The following CTNNA3 variants were observed in gnomAD, a reference collection of about 807,000 sequenced individuals.
CTNNA3 encodes the protein catenin alpha-3.
Under a neutral mutation model 95.7 loss-of-function variants are expected in CTNNA3, and 76 were observed. That is an observed-to-expected ratio of 0.79 (90% CI 0.66 to 0.96). The LOEUF (loss-of-function observed/expected upper bound fraction) is 0.96, where lower values mean the gene tolerates loss of function less well. Among genes scored for constraint, CTNNA3 ranks in the 40% least tolerant of loss-of-function variants. The pLI is 0.00. For missense variants in CTNNA3, 1,191 were observed against 1,089.8 expected (o/e 1.09, Z -1.31); for synonymous variants, 431 against 374.4 (o/e 1.15, Z -1.74).
At chr10:66,434,573 C>T (rs1299191242) in intron 11 of CTNNA3, among the ~76,000 whole-genome samples, 2 of 152,094 alleles carry the variant, frequency 1.3e-5, no homozygotes, top group East Asian at 3.9e-4. Flanking sequence ...TCTAGATATA[C>T]AATCATGTCA....
At chr10:66,990,050 T>C (rs747024353) in intron 7 of CTNNA3, among the ~76,000 whole-genome samples, 1 of 152,172 alleles carries the variant, frequency 6.6e-6, no homozygotes, top group Non-Finnish European at 1.5e-5. Flanking sequence ...ATAAAACAGA[T>C]GAGAAGCTCA....
chr10:67,711,406 CA>C (rs1173894298), intron 1 of CTNNA3, among the ~76,000 whole-genome samples: 1 of 152,054 alleles, frequency 6.6e-6, no homozygotes, highest in East Asian at 1.9e-4. Context: ...ATGATATGGA[CA>C]ATGAAATCCA....
chr10:67,722,931 T>G (rs961924550), intron 1 of CTNNA3, among the ~76,000 whole-genome samples: 2 of 151,710 alleles, frequency 1.3e-5, no homozygotes, highest in African/African-American at 4.8e-5. Flanking sequence ...TAACACAGAG[T>G]TTTACTTGAG....
At chr10:67,482,470 T>C (rs1230279629) in intron 5 of CTNNA3, among the ~76,000 whole-genome samples, 1 of 152,082 alleles carries the variant, frequency 6.6e-6, no homozygotes, top group Non-Finnish European at 1.5e-5. Flanking sequence ...TTCACGTCCC[T>C]TGTAAGGTGG....
At chr10:66,839,919 A>C (rs1360423121) in intron 7 of CTNNA3, among the ~76,000 whole-genome samples, 1 of 152,120 alleles carries the variant, frequency 6.6e-6, no homozygotes, top group Non-Finnish European at 1.5e-5. Context: ...CTGCCCATTC[A>C]TAGTTGTCTG....
chr10:66,434,547 T>A (rs1278248630), intron 11 of CTNNA3, among the ~76,000 whole-genome samples: 1 of 152,186 alleles, frequency 6.6e-6, no homozygotes, highest in African/African-American at 2.4e-5. Context: ...ATTTTGGGGC[T>A]GAGATGACAG....
At chr10:67,030,863 G>A (rs1200927200) in intron 7 of CTNNA3, among the ~76,000 whole-genome samples, 1 of 152,134 alleles carries the variant, frequency 6.6e-6, no homozygotes, top group Non-Finnish European at 1.5e-5. Context: ...AATTAGCCAG[G>A]TGTGGTGGCG....
At chr10:66,593,618 A>T (rs12570390) in intron 10 of CTNNA3, among the ~76,000 whole-genome samples, 10,937 of 152,178 alleles carry the variant, frequency 0.072, 733 homozygotes, top group East Asian at 0.35. Flanking sequence ...TTTAATTAGC[A>T]TACAGAGCCG....
At chr10:67,164,657 A>G (rs1861682736) in intron 7 of CTNNA3, among the ~76,000 whole-genome samples, 1 of 152,186 alleles carries the variant, frequency 6.6e-6, no homozygotes, top group Non-Finnish European at 1.5e-5. Flanking sequence ...TCTCATATAT[A>G]GAATGTATAA....
At chr10:67,754,901 AAAG>A (rs142603164) in intron 1 of CTNNA3, among the ~76,000 whole-genome samples, 6,563 of 152,234 alleles carry the variant, frequency 0.043, 203 homozygotes, top group African/African-American at 0.092. Flanking sequence ...ACATTTCTCA[AAAG>A]AATACATACA....
chr10:66,976,352 A>G (rs900996069), intron 7 of CTNNA3, among the ~76,000 whole-genome samples: 6 of 152,198 alleles, frequency 3.9e-5, no homozygotes, highest in African/African-American at 1.4e-4. Flanking sequence ...CAGAAAAAGT[A>G]GAGAAGAACA....
chr10:67,096,549 T>G (rs952027020), intron 7 of CTNNA3, among the ~76,000 whole-genome samples: 1 of 151,898 alleles, frequency 6.6e-6, no homozygotes, highest in Admixed American at 6.6e-5. Context: ...AATTAGTAAT[T>G]AGGATATTAA....
At chr10:66,219,583 G>A (rs1379804630) in intron 13 of CTNNA3, among the ~76,000 whole-genome samples, 2 of 151,886 alleles carry the variant, frequency 1.3e-5, no homozygotes, top group East Asian at 3.9e-4. Context: ...ACAGCCACAT[G>A]AGAAACCTTA....
chr10:66,788,292 C>T (rs1028393304), intron 7 of CTNNA3, among the ~76,000 whole-genome samples: 8 of 152,134 alleles, frequency 5.3e-5, no homozygotes, highest in African/African-American at 1.9e-4. Flanking sequence ...GAGCCATAAA[C>T]TAAGCCTCTC....
At chr10:66,356,950 A>C (rs1056113885) in intron 12 of CTNNA3, among the ~76,000 whole-genome samples, 1 of 152,040 alleles carries the variant, frequency 6.6e-6, no homozygotes, top group African/African-American at 2.4e-5. Context: ...TGCATCCTTG[A>C]GATAAACTAT....
At chr10:66,549,085 T>C (rs943092660) in intron 10 of CTNNA3, among the ~76,000 whole-genome samples, 1 of 146,594 alleles carries the variant, frequency 6.8e-6, no homozygotes, top group Non-Finnish European at 1.5e-5. Context: ...GGTTCCCGGG[T>C]TGACGCCATT....
intron 7 of CTNNA3, among the ~76,000 whole-genome samples, chr10:66,861,674 G>C (rs1462213504): frequency 2.0e-5 from 3 of 152,140 alleles, no homozygotes; most frequent in Non-Finnish European, 4.4e-5. Flanking sequence ...AGTGCTTACT[G>C]AGCCCATCAT....
intron 15 of CTNNA3, among the ~76,000 whole-genome samples, chr10:66,011,349 C>T (rs986225087): frequency 6.6e-6 from 1 of 151,892 alleles, no homozygotes; most frequent in African/African-American, 2.4e-5. Context: ...TTCTCTTTCT[C>T]TTCTCCCTTA....
intron 17 of CTNNA3, among the ~76,000 whole-genome samples, chr10:65,924,595 T>C (rs1378939660): frequency 2.6e-5 from 4 of 152,202 alleles, no homozygotes; most frequent in Admixed American, 2.6e-4. Flanking sequence ...ATATTTAATA[T>C]TTCTTAGCTC....
Sources: allele counts gnomAD v4.1 joint callset (sites outside exome capture counted in the v4.1 genomes callset), GRCh38; gene constraint gnomAD v4.1.1; transcripts MANE v1.5; gene names NCBI Gene and HGNC (gene_info 2026-07-23, HGNC 2026-07-21).